The following C12orf42 variants were observed in gnomAD, a reference collection of about 807,000 sequenced individuals.
The protein encoded by C12orf42 is uncharacterized protein C12orf42.
A neutral mutation model predicts 21.6 loss-of-function variants in C12orf42; 25 were observed. The observed-to-expected ratio is 1.16, with a 90% confidence interval of 0.84 to 1.62. The LOEUF (loss-of-function observed/expected upper bound fraction) is 1.62, where lower values mean the gene tolerates loss of function less well. Among genes scored for constraint, C12orf42 ranks in the 40% most tolerant of loss-of-function variants. The pLI, the probability that C12orf42 is intolerant of heterozygous loss-of-function variation, is 0.00. For missense variants in C12orf42, 483 were observed against 459.3 expected, an observed-to-expected ratio of 1.05 and a Z score of -0.47; for synonymous variants, 174 against 175.0, an observed-to-expected ratio of 0.99 and a Z score of 0.05.
chr12:103,170,708 C>G, the C12orf42 span, among the ~76,000 whole-genome samples: 17 of 152,260 alleles, frequency 1.1e-4, no homozygotes, highest in Admixed American at 3.3e-4. Flanking sequence ...TCTCCAACCC[C>G]TTTTCATCAC....
chr12:103,470,863 GAGA>G (rs1172999647), intron 2 of C12orf42, among the ~76,000 whole-genome samples: 1 of 152,118 alleles, frequency 6.6e-6, no homozygotes, highest in African/African-American at 2.4e-5. Context: ...AAACATGTGA[GAGA>G]AGAAGCTTCC....
At chr12:103,282,327 G>A (rs1423787160) in intron 4 of C12orf42, among the ~76,000 whole-genome samples, 2 of 152,196 alleles carry the variant, frequency 1.3e-5, no homozygotes, top group African/African-American at 4.8e-5. Flanking sequence ...GTCATGTGCT[G>A]CATAACAATA....
At chr12:103,515,297 G>GT in the C12orf42 span, among the ~76,000 whole-genome samples, 1 of 152,158 alleles carries the variant, frequency 6.6e-6, no homozygotes, top group African/African-American at 2.4e-5. Flanking sequence ...ACTTCTTGAG[G>GT]TAAAAAAATG....
At chr12:103,433,474 A>C (rs1950417229) in intron 2 of C12orf42, among the ~76,000 whole-genome samples, 4 of 152,192 alleles carry the variant, frequency 2.6e-5, no homozygotes, top group Admixed American at 6.5e-5. Flanking sequence ...TGCAACAAGA[A>C]GGATATAGCA....
At chr12:103,353,358 G>GT (rs2043260498) in intron 4 of C12orf42, among the ~76,000 whole-genome samples, 1 of 151,986 alleles carries the variant, frequency 6.6e-6, no homozygotes, top group Non-Finnish European at 1.5e-5. Flanking sequence ...AGGCGACTGT[G>GT]TTTTATTAAT....
chr12:103,504,222 C>G, the C12orf42 span: 1 of 153,634 alleles, frequency 6.5e-6, no homozygotes, highest in Admixed American at 6.5e-5. Context: ...ATGGGACCAC[C>G]CTGATCCAAC....
At chr12:103,103,185 C>G in the C12orf42 span, among the ~76,000 whole-genome samples, 1 of 152,144 alleles carries the variant, frequency 6.6e-6, no homozygotes, top group Admixed American at 6.5e-5. Flanking sequence ...CTTCCAAGCT[C>G]AAGCATAGGG....
intron 1 of C12orf42, among the ~76,000 whole-genome samples, chr12:103,487,576 T>A (rs1255388735): frequency 6.6e-6 from 1 of 152,188 alleles, no homozygotes; most frequent in African/African-American, 2.4e-5. Context: ...CCCATTATTA[T>A]GGTGTGGGAG....
intron 2 of C12orf42, among the ~76,000 whole-genome samples, chr12:103,454,038 C>T (rs1158243589): frequency 6.6e-6 from 1 of 152,094 alleles, no homozygotes; most frequent in East Asian, 1.9e-4. Flanking sequence ...CCTTTTGTAG[C>T]CACAGTCCAT....
chr12:103,485,122 G>A (rs1277303088), intron 1 of C12orf42, among the ~76,000 whole-genome samples: 1 of 152,100 alleles, frequency 6.6e-6, no homozygotes, highest in African/African-American at 2.4e-5. Flanking sequence ...GCCCGCCTCG[G>A]CCTCCCAAAG....
At chr12:103,432,870 A>G (rs755357561) in intron 2 of C12orf42, among the ~76,000 whole-genome samples, 18 of 152,172 alleles carry the variant, frequency 1.2e-4, no homozygotes, top group African/African-American at 2.4e-4. Flanking sequence ...CAGCACCTTG[A>G]TCTCGGACTC....
rs761238895 is a variant in C12orf42 at position 103,401,597 on chromosome 12, G to A, written c.147+10C>T. ...GGAGCAGCCCTGCACATAACATTCC[G>A]CTGACTCACCTTTGCACTGGGTGTG... On this transcript the variant is annotated intron_variant, in intron 3 of 5. Coordinates refer to ENST00000548883, the MANE Select transcript of C12orf42 (RefSeq NM_198521.5). The A allele has an allele frequency of 1.7e-5, 28 of 1,612,768 alleles. No individual in the cohort carries two copies. Among genetic ancestry groups the A allele is most frequent in the East Asian group, 8.9e-5 (4 of 44,894 alleles).
At chr12:103,107,891 G>A in the C12orf42 span, among the ~76,000 whole-genome samples, 243 of 151,130 alleles carry the variant, frequency 1.6e-3, no homozygotes, top group Non-Finnish European at 2.7e-3. Context: ...AAGTTTAAAA[G>A]GGCAAATAAA....
At chr12:103,258,491 T>C (rs1223409742) in intron 10 of C12orf42, among the ~76,000 whole-genome samples, 1 of 152,070 alleles carries the variant, frequency 6.6e-6, no homozygotes, top group Non-Finnish European at 1.5e-5. Flanking sequence ...AAAGATATTA[T>C]ATTGAATTAT....
At chr12:103,062,732 T>C in the C12orf42 span, among the ~76,000 whole-genome samples, 13 of 152,244 alleles carry the variant, frequency 8.5e-5, no homozygotes, top group African/African-American at 3.1e-4. Flanking sequence ...TTCTTTGTTG[T>C]TAATCCTACT....
At chr12:103,369,034 T>A (rs1400115706) in intron 3 of C12orf42, 36 bp from the exon 4 acceptor site, 5 of 1,176,550 alleles carry the variant, frequency 4.2e-6, no homozygotes, top group Admixed American at 2.2e-5. Flanking sequence ...CACAAAAAAA[T>A]TAGGTCAATG....
chr12:103,055,094 A>C, the C12orf42 span, among the ~76,000 whole-genome samples: 1 of 151,906 alleles, frequency 6.6e-6, no homozygotes. Flanking sequence ...ATGAGTTAGA[A>C]AAGCATTCCT....
At chr12:103,369,444 A>T (rs1000588852) in intron 3 of C12orf42, among the ~76,000 whole-genome samples, 1 of 152,024 alleles carries the variant, frequency 6.6e-6, no homozygotes, top group African/African-American at 2.4e-5. Context: ...ATACAGGGTG[A>T]TACATTTTCA....
At chr12:103,094,128 T>C in the C12orf42 span, among the ~76,000 whole-genome samples, 17 of 152,214 alleles carry the variant, frequency 1.1e-4, no homozygotes, top group Admixed American at 1.1e-3. Flanking sequence ...CTACTTTCCC[T>C]GCCACTAGCC....
Sources: gnomAD v4.1 joint callset for allele counts (sites outside exome capture counted in the v4.1 genomes callset) on GRCh38, gnomAD v4.1.1 for gene constraint, MANE v1.5 for transcripts, NCBI Gene and HGNC (gene_info 2026-07-23, HGNC 2026-07-21) for gene names.